Variants in PDE8B observed in about 807,000 individuals in gnomAD.
PDE8B encodes the protein high affinity cAMP-specific and IBMX-insensitive 3',5'-cyclic phosphodiesterase 8B.
Under a neutral mutation model 101.3 loss-of-function variants are expected in PDE8B, and 26 were observed. That is an observed-to-expected ratio of 0.26 (90% CI 0.19 to 0.36). The LOEUF (loss-of-function observed/expected upper bound fraction) is 0.36, where lower values mean the gene tolerates loss of function less well. Ranked by LOEUF, PDE8B falls within the 10% of genes least tolerant of loss-of-function variation. PDE8B has a pLI of 1.00. For synonymous variants in PDE8B, 424 were observed against 429.3 expected, an observed-to-expected ratio of 0.99 and a Z score of 0.15; for missense variants, 810 against 1,163.1, an observed-to-expected ratio of 0.70 and a Z score of 4.42.
chr5:77,268,318 G>A (rs1762139646), intron 1 of PDE8B, among the ~76,000 whole-genome samples: 1 of 152,064 alleles, frequency 6.6e-6, no homozygotes, highest in Non-Finnish European at 1.5e-5. Flanking sequence ...TCACATCGGG[G>A]TAAATGGGGG....
At chr5:77,291,216 G>A (rs1490732153) in intron 1 of PDE8B, 1 of 1,611,076 alleles carries the variant, frequency 6.2e-7, no homozygotes, top group African/African-American at 1.3e-5. Flanking sequence ...CATCCATCAT[G>A]AGGTTGTAAA....
chr5:77,374,433 T>C (rs1785673846), intron 10 of PDE8B, among the ~76,000 whole-genome samples: 1 of 152,188 alleles, frequency 6.6e-6, no homozygotes, highest in African/African-American at 2.4e-5. Flanking sequence ...TTATTTTTAT[T>C]TTCTTTTATA....
At chr5:77,420,790 A>G (rs1165183436) in intron 19 of PDE8B, among the ~76,000 whole-genome samples, 1 of 152,210 alleles carries the variant, frequency 6.6e-6, no homozygotes, top group Non-Finnish European at 1.5e-5. Context: ...AGAACTAGGA[A>G]GGTCATCCAC....
intron 10 of PDE8B, among the ~76,000 whole-genome samples, chr5:77,357,115 G>A (rs959104300): frequency 6.6e-6 from 1 of 152,156 alleles, no homozygotes; most frequent in African/African-American, 2.4e-5. Context: ...TTCTCAAACT[G>A]CTGCAGAAAG....
At chr5:77,414,621 A>T (rs1581579311) in intron 17 of PDE8B, among the ~76,000 whole-genome samples, 2 of 150,094 alleles carry the variant, frequency 1.3e-5, no homozygotes, top group African/African-American at 2.5e-5. Flanking sequence ...TAGTAGAGAC[A>T]GGGTTTCACC....
intron 1 of PDE8B, among the ~76,000 whole-genome samples, chr5:77,270,614 G>A (rs1290909072): frequency 6.6e-6 from 1 of 152,294 alleles, no homozygotes; most frequent in African/African-American, 2.4e-5. Context: ...GATCTTGCTT[G>A]TAATTGTCCA....
chr5:77,250,195 A>G (rs1347310192), intron 1 of PDE8B, among the ~76,000 whole-genome samples: 1 of 152,238 alleles, frequency 6.6e-6, no homozygotes, highest in Non-Finnish European at 1.5e-5. Flanking sequence ...TTGCATTTTC[A>G]TCTTCACAGC....
intron 14 of PDE8B, 63 bp from the exon 15 acceptor site, chr5:77,411,613 A>T (rs35864749): frequency 0.12 from 166,852 of 1,348,380 alleles, 11,762 homozygotes; most frequent in South Asian, 0.21. Flanking sequence ...CTAATAATAA[A>T]AAAAAAAAGA....
chr5:77,337,323 G>T lies in PDE8B; in HGVS notation c.797+8G>T. The T allele has an allele frequency of 7.2e-7, 1 of 1,384,176 alleles. No individual in the cohort carries two copies. Among genetic ancestry groups the T allele is most frequent in the Non-Finnish European group, 1.0e-6 (1 of 973,582 alleles). 85.7% of individuals were successfully genotyped at this position (1,384,176 alleles called of 1,614,324 possible). A position where few individuals can be genotyped will look rare whatever the true frequency, so the allele number is the denominator to read the frequency against. ...CTCCCAGTTCAAATTACGGTATGTAGCAAAATGATACAGTAACATGAGGTT... is the reference window on the plus strand; with the variant it reads ...CTCCCAGTTCAAATTACGGTATGTATCAAAATGATACAGTAACATGAGGTT... On this transcript the variant is annotated splice_region_variant and intron_variant, in intron 6 of 21. Transcript: ENST00000264917.
the PDE8B span, among the ~76,000 whole-genome samples, chr5:77,182,579 A>T: frequency 6.6e-6 from 1 of 152,206 alleles, no homozygotes; most frequent in East Asian, 1.9e-4. Context: ...TGCAGAGCTC[A>T]TGGAGGCCGC....
the PDE8B span, chr5:77,148,325 T>A: frequency 6.6e-6 from 1 of 152,244 alleles, no homozygotes; most frequent in African/African-American, 2.4e-5. Context: ...CTGTAATGAA[T>A]AATGTTGCTG....
chr5:77,360,996 A>G (rs1356306935), intron 10 of PDE8B, among the ~76,000 whole-genome samples: 1 of 152,250 alleles, frequency 6.6e-6, no homozygotes, highest in Non-Finnish European at 1.5e-5. Flanking sequence ...GCCATTATTA[A>G]AAATTAAATT....
At chr5:77,358,970 A>G (rs1288676294) in intron 10 of PDE8B, among the ~76,000 whole-genome samples, 1 of 152,244 alleles carries the variant, frequency 6.6e-6, no homozygotes, top group East Asian at 1.9e-4. Flanking sequence ...TATTTACAAG[A>G]ATCTATTTAA....
rs562438831 is a variant in PDE8B, at chr5:77,311,976, G to T, written c.340-18G>T. On this transcript the variant is annotated intron_variant, in intron 1 of 21. Coordinates refer to ENST00000264917, the MANE Select transcript of PDE8B (RefSeq NM_003719.5). ...TAGTTTAAGACTTGACGCTTCTCTT[G>T]TGCTGTCCTTTATTTAGCAGGTGTC... The T allele has an allele frequency of 1.9e-6, 3 of 1,608,048 alleles. No individual in the cohort carries two copies. The South Asian group carries it at 3.3e-5, about 18-fold the overall frequency.
intron 1 of PDE8B, among the ~76,000 whole-genome samples, chr5:77,303,913 G>T (rs1015981522): frequency 6.6e-6 from 1 of 151,940 alleles, no homozygotes; most frequent in African/African-American, 2.4e-5. Flanking sequence ...CTATTGTATG[G>T]CTAGTCCTTG....
the PDE8B span, among the ~76,000 whole-genome samples, chr5:77,148,810 C>T: frequency 6.6e-6 from 1 of 151,840 alleles, no homozygotes; most frequent in African/African-American, 2.4e-5. Flanking sequence ...TGAATATTTT[C>T]TCAACCTAGA....
intron 10 of PDE8B, among the ~76,000 whole-genome samples, chr5:77,364,310 T>A (rs17671389): frequency 0.12 from 17,740 of 152,276 alleles, 1,420 homozygotes; most frequent in Admixed American, 0.19. Flanking sequence ...TACCACCTGC[T>A]TCTTTGTCTA....
intron 10 of PDE8B, among the ~76,000 whole-genome samples, chr5:77,391,935 T>A (rs1045968637): frequency 1.3e-5 from 2 of 152,238 alleles, no homozygotes; most frequent in Non-Finnish European, 2.9e-5. Flanking sequence ...AAAAGTTTTA[T>A]TCATTTGGTA....
At chr5:77,279,513 C>T (rs748606327) in intron 1 of PDE8B, among the ~76,000 whole-genome samples, 16 of 152,266 alleles carry the variant, frequency 1.1e-4, no homozygotes, top group East Asian at 7.7e-4. Context: ...CTCTCCTCCC[C>T]GTCAATCCTC....
Sources: gnomAD v4.1 joint callset for allele counts (sites outside exome capture counted in the v4.1 genomes callset) on GRCh38, gnomAD v4.1.1 for gene constraint, MANE v1.5 for transcripts, NCBI Gene and HGNC (gene_info 2026-07-23, HGNC 2026-07-21) for gene names.